Variants in MYO10 observed in about 807,000 individuals in gnomAD.
The protein encoded by MYO10 is myosin X.
MYO10 carries 133 observed loss-of-function variants against 257.3 expected under a neutral mutation model. The observed-to-expected ratio is 0.52, with a 90% CI of 0.45 to 0.60. The LOEUF is 0.60. Ranked by LOEUF, MYO10 falls within the 20% of genes least tolerant of loss-of-function variation. MYO10 has a pLI of 0.00. For synonymous variants in MYO10, 1,104 were observed against 1,028.6 expected (o/e 1.07, Z -1.40); for missense variants, 2,399 against 2,635.7 (o/e 0.91, Z 1.97).
intron 2 of MYO10, among the ~76,000 whole-genome samples, chr5:16,863,918 C>T (rs967266566): frequency 3.3e-5 from 5 of 152,084 alleles, no homozygotes; most frequent in African/African-American, 1.2e-4. Context: ...GGCAACAAGG[C>T]AAAACTTCAT....
rs1446826195 is a variant in MYO10 at position 16,663,750 on chromosome 5, T to C, written c.*2942A>G. ...ACAGACACACACGGTATAACAGCTA[T>C]TTATGCAGCATTTATGTTGTGCTAG... is the stretch of plus-strand genomic sequence containing the variant. On this transcript the variant is annotated 3_prime_UTR_variant, in exon 41 of 41. Transcript: ENST00000513610. 6.6e-6 allele frequency: 1 copy of C among 151,918 alleles called. No individual in the cohort carries two copies. The highest frequency in any genetic ancestry group is 2.4e-5 in the African/African-American group (1 of 41,368). The allele number at this position is 151,918 out of a possible 1,614,324, so 9.4% of individuals were successfully genotyped here. A position where few individuals can be genotyped will look rare whatever the true frequency, so the allele number is the denominator to read the frequency against.
At chr5:16,721,237 ACT>A (rs1739142427) in intron 19 of MYO10, among the ~76,000 whole-genome samples, 1 of 152,128 alleles carries the variant, frequency 6.6e-6, no homozygotes, top group African/African-American at 2.4e-5. Context: ...TTCACAAAGA[ACT>A]CTGCAAGGAA....
rs1580150906 is a variant in MYO10 at position 16,919,250 on chromosome 5, C to T, written c.21+16538G>A. Among the ~76,000 whole-genome samples the T allele has an allele frequency of 4.6e-5, 7 of 152,042 alleles. 1 individual carries two copies. The highest frequency in any genetic ancestry group is 4.6e-4 in the Admixed American group (7 of 15,266). On this transcript the variant is annotated intron_variant, in intron 1 of 40. Coordinates refer to ENST00000513610, the MANE Select transcript of MYO10 (RefSeq NM_012334.3). ...AAAATTAGCTGGTCGTGGTGGCAGG[C>T]GCCTGTAATTCGAGCTATTCAGGAG...
At chr5:16,903,274 G>A (rs1379916829) in intron 1 of MYO10, among the ~76,000 whole-genome samples, 5 of 152,298 alleles carry the variant, frequency 3.3e-5, no homozygotes, top group South Asian at 2.1e-4. Context: ...GCGTGGTAGC[G>A]CATGCCTGTA....
At chr5:16,780,434 CATT>C in intron 8 of MYO10, 87 bp downstream of exon 8, 2 of 1,213,144 alleles carry the variant, frequency 1.6e-6, no homozygotes, top group East Asian at 5.1e-5. Flanking sequence ...GAAATGTCAA[CATT>C]AAAACAGATG....
chr5:16,668,215 G>A (rs1736266502), intron 40 of MYO10, 62 bp downstream of exon 40: 2 of 1,488,142 alleles, frequency 1.3e-6, no homozygotes, highest in African/African-American at 2.8e-5. Context: ...GAGGAAATGG[G>A]GTCCTGTTTT....
intron 19 of MYO10, among the ~76,000 whole-genome samples, chr5:16,727,169 T>C (rs1361529023): frequency 6.6e-6 from 1 of 152,238 alleles, no homozygotes; most frequent in Non-Finnish European, 1.5e-5. Flanking sequence ...AAATATGTTG[T>C]TAAAACTGCT....
chr5:16,767,193 C>T (rs2561233), intron 10 of MYO10, among the ~76,000 whole-genome samples: 131,600 of 138,220 alleles, frequency 0.95, 62,769 homozygotes, highest in African/African-American at 0.98. Flanking sequence ...TTTTTTGAGA[C>T]AGAGTCTTGC....
intron 21 of MYO10, among the ~76,000 whole-genome samples, chr5:16,706,323 ACT>A (rs1554037517): frequency 5.9e-5 from 9 of 151,992 alleles, no homozygotes; most frequent in Non-Finnish European, 5.9e-5. Flanking sequence ...ACACACACAC[ACT>A]CTGTTGGTGC....
At chr5:16,821,530 G>C (rs563500190) in intron 2 of MYO10, among the ~76,000 whole-genome samples, 1 of 123,122 alleles carries the variant, frequency 8.1e-6, no homozygotes, top group African/African-American at 3.2e-5. Context: ...GCAGTGGCGC[G>C]ATCTTGGCTC....
At chr5:16,934,116 G>A (rs1006324735) in intron 1 of MYO10, among the ~76,000 whole-genome samples, 2 of 152,306 alleles carry the variant, frequency 1.3e-5, no homozygotes, top group Middle Eastern at 3.4e-3. Flanking sequence ...CCCTTACACT[G>A]AACTAAGGTA....
chr5:16,733,173 TAC>T (rs1739655070), intron 19 of MYO10, among the ~76,000 whole-genome samples: 1 of 151,528 alleles, frequency 6.6e-6, no homozygotes, highest in South Asian at 2.1e-4. Context: ...ACAACAAAAA[TAC>T]ACACACTCAG....
At chr5:16,890,021 TTTG>T (rs1745007942) in intron 1 of MYO10, among the ~76,000 whole-genome samples, 1 of 151,712 alleles carries the variant, frequency 6.6e-6, no homozygotes, top group South Asian at 2.1e-4. Context: ...AGAACAGGAG[TTTG>T]TTGTTACTTC....
intron 1 of MYO10, among the ~76,000 whole-genome samples, chr5:16,894,914 C>T (rs2126778361): frequency 6.6e-6 from 1 of 152,304 alleles, no homozygotes; most frequent in African/African-American, 2.4e-5. Context: ...CTAAGACACA[C>T]TGTAAATTGG....
intron 16 of MYO10, 23 bp from the exon 17 acceptor site, chr5:16,761,569 G>C (rs755784756): frequency 6.4e-7 from 1 of 1,554,002 alleles, no homozygotes; most frequent in African/African-American, 1.4e-5. Flanking sequence ...AATAAGAGAG[G>C]AGAAAACTGA....
intron 3 of MYO10, among the ~76,000 whole-genome samples, chr5:16,809,941 T>C (rs1441240566): frequency 1.3e-5 from 2 of 152,120 alleles, no homozygotes; most frequent in East Asian, 3.9e-4. Flanking sequence ...AGCCATTCCT[T>C]AGAGACTGGG....
intron 30 of MYO10, among the ~76,000 whole-genome samples, chr5:16,683,058 A>G (rs1224987211): frequency 6.6e-6 from 1 of 152,164 alleles, no homozygotes; most frequent in Non-Finnish European, 1.5e-5. Context: ...TAAGGGGTGC[A>G]AGCTGACTAC....
intron 1 of MYO10, among the ~76,000 whole-genome samples, chr5:16,889,537 C>T (rs531772157): frequency 9.3e-6 from 1 of 107,260 alleles, no homozygotes; most frequent in South Asian, 2.9e-4. Flanking sequence ...GAAGGAAGGG[C>T]GGACGAAAGG....
At chr5:16,687,264 T>C (rs898764451) in intron 28 of MYO10, among the ~76,000 whole-genome samples, 2 of 151,824 alleles carry the variant, frequency 1.3e-5, no homozygotes, top group African/African-American at 4.8e-5. Flanking sequence ...AAGGCTGCAA[T>C]GAGCCACGAT....
Sources: gnomAD v4.1 joint callset for allele counts (sites outside exome capture counted in the v4.1 genomes callset) on GRCh38, gnomAD v4.1.1 for gene constraint, MANE v1.5 for transcripts, NCBI Gene and HGNC (gene_info 2026-07-23, HGNC 2026-07-21) for gene names.